CNTNAP5: variants seen among roughly 807,000 people sequenced by gnomAD.
CNTNAP5 encodes contactin-associated protein-like 5.
CNTNAP5 carries 72 observed loss-of-function variants against 150.2 expected under a neutral mutation model. That is an observed-to-expected ratio of 0.48 (90% CI 0.40 to 0.58). CNTNAP5 has a LOEUF of 0.58. Ranked by LOEUF, CNTNAP5 falls within the 20% of genes least tolerant of loss-of-function variation. CNTNAP5 has a pLI of 0.00. For synonymous variants in CNTNAP5, 672 were observed against 619.8 expected (o/e 1.08, Z -1.25); for missense variants, 1,636 against 1,626.2 (o/e 1.01, Z -0.10).
At chr2:124,510,229 T>TTATATATCTATATATCTATATC (rs1199857992) in intron 8 of CNTNAP5, among the ~76,000 whole-genome samples, 1 of 70,598 alleles carries the variant, frequency 1.4e-5, no homozygotes, top group African/African-American at 4.9e-5. Flanking sequence ...AAAAAGTAAA[T>TTATATATCTATATATCTATATC]TATATATCTA....
chr2:124,517,937 T>A (rs1358857949), intron 8 of CNTNAP5, among the ~76,000 whole-genome samples: 3 of 151,270 alleles, frequency 2.0e-5, no homozygotes, highest in Non-Finnish European at 4.4e-5. Context: ...TGATGGAGGG[T>A]GATGATGTTT....
chr2:124,843,582 T>C lies in CNTNAP5; in HGVS notation c.3218-21724T>C, dbSNP rs1305101704. 2.0e-5 allele frequency among the ~76,000 whole-genome samples: 3 copies of C among 152,134 alleles called. No individual in the cohort carries two copies. In the South Asian group the frequency reaches 6.2e-4, roughly 31 times the overall value. On this transcript the variant is annotated intron_variant, in intron 19 of 23. Transcript: ENST00000682447. ...TACTTTTAGTTCTTTAAGGAATCTC[T>C]ACATTGTTTTTCATAGCGGTTGCAC...
rs113769283 is a variant in CNTNAP5, at chr2:124,848,697, C to G, written c.3218-16609C>G. On this transcript the variant is annotated intron_variant, in intron 19 of 23. Coordinates refer to ENST00000682447, the MANE Select transcript of CNTNAP5 (RefSeq NM_001367498.1). ...GTCTTTTTGATAATAACCATCCTAACAGGTGTGAGGTGATATCTTATTGTG... is the reference window on the plus strand; with the variant it reads ...GTCTTTTTGATAATAACCATCCTAAGAGGTGTGAGGTGATATCTTATTGTG... Among the ~76,000 whole-genome samples the G allele has an allele frequency of 7.4e-3, 1,121 of 152,248 alleles. 20 individuals are homozygous for G. The highest frequency in any genetic ancestry group is 0.025 in the African/African-American group (1,035 of 41,554).
At chr2:124,546,962 C>T (rs986275807) in intron 10 of CNTNAP5, among the ~76,000 whole-genome samples, 8 of 152,086 alleles carry the variant, frequency 5.3e-5, no homozygotes, top group Non-Finnish European at 1.0e-4. Context: ...GAGTTTGACA[C>T]CTGGTAGAGA....
At chr2:124,696,027 A>G (rs2105084419) in intron 13 of CNTNAP5, among the ~76,000 whole-genome samples, 1 of 152,264 alleles carries the variant, frequency 6.6e-6, no homozygotes, top group South Asian at 2.1e-4. Context: ...GTCAACCTGG[A>G]GAAGAACCCC....
chr2:124,597,627 G>C (rs1305800278), intron 11 of CNTNAP5, among the ~76,000 whole-genome samples: 1 of 149,706 alleles, frequency 6.7e-6, no homozygotes, highest in Non-Finnish European at 1.5e-5. Flanking sequence ...GTGTCTTGGA[G>C]TTGCTCTTCT....
chr2:124,398,556 G>T (rs1248690033), intron 3 of CNTNAP5, among the ~76,000 whole-genome samples: 1 of 151,756 alleles, frequency 6.6e-6, no homozygotes, highest in East Asian at 1.9e-4. Context: ...GAGTACAATG[G>T]CCTGATCTTG....
chr2:124,565,818 C>T (rs7596035), intron 11 of CNTNAP5, among the ~76,000 whole-genome samples: 149,043 of 152,058 alleles, frequency 0.98, 73,126 homozygotes, highest in East Asian at 1. Flanking sequence ...CCAGAATGGT[C>T]TTGATCTCCT....
At chr2:124,166,140 A>G (rs949559357) in intron 1 of CNTNAP5, among the ~76,000 whole-genome samples, 2 of 152,124 alleles carry the variant, frequency 1.3e-5, no homozygotes, top group African/African-American at 2.4e-5. Flanking sequence ...AAATTCTTGA[A>G]ACAGCCAAAT....
intron 1 of CNTNAP5, among the ~76,000 whole-genome samples, chr2:124,094,004 A>G (rs1207956462): frequency 6.6e-6 from 1 of 152,230 alleles, no homozygotes; most frequent in Non-Finnish European, 1.5e-5. Flanking sequence ...TAGAGAGCTA[A>G]TGGATGGCAA....
intron 1 of CNTNAP5, among the ~76,000 whole-genome samples, chr2:124,220,700 A>C (rs1686284479): frequency 6.6e-6 from 1 of 152,130 alleles, no homozygotes; most frequent in African/African-American, 2.4e-5. Context: ...TTGCATCATC[A>C]TATGGCAGAA....
intron 19 of CNTNAP5, among the ~76,000 whole-genome samples, chr2:124,819,553 A>G (rs1381067924): frequency 6.6e-6 from 1 of 152,212 alleles, no homozygotes; most frequent in Admixed American, 6.5e-5. Context: ...AGCAACGTTC[A>G]GGCCACTGTG....
chr2:124,092,303 G>T (rs948878508), intron 1 of CNTNAP5, among the ~76,000 whole-genome samples: 1 of 152,198 alleles, frequency 6.6e-6, no homozygotes, highest in Non-Finnish European at 1.5e-5. Flanking sequence ...TAGTCCAGGG[G>T]TTGGCAAACT....
chr2:124,093,204 A>G (rs1247224953), intron 1 of CNTNAP5, among the ~76,000 whole-genome samples: 1 of 152,174 alleles, frequency 6.6e-6, no homozygotes, highest in African/African-American at 2.4e-5. Flanking sequence ...CTGTGTTGGA[A>G]TCTCATTCTG....
chr2:124,434,522 C>G lies in CNTNAP5; in HGVS notation c.568C>G (p.Leu190Val), dbSNP rs1217837083. The G allele has an allele frequency of 6.2e-7, 1 of 1,613,850 alleles. No individual in the cohort carries two copies. Among genetic ancestry groups the G allele is most frequent in the Non-Finnish European group, 8.5e-7 (1 of 1,179,842 alleles). The change falls in exon 5 of 24, where the codon CTG (leucine) becomes GTG (valine). Residue 190 changes from leucine to valine, a missense_variant. By Grantham distance (32) the Leu-to-Val change is conservative. Coordinates refer to ENST00000682447, the MANE Select transcript of CNTNAP5 (RefSeq NM_001367498.1). ...TGACTTTGATGGCCGAAGCTCACTT[C>G]TGTACAGGTTCAATCAGAAGTTGAT... is the stretch of plus-strand genomic sequence containing the variant. Reference protein sequence around the residue: ...VADFDGRSSLLYRFNQKLMST... With the variant: ...VADFDGRSSLVYRFNQKLMST...
At chr2:124,839,909 G>A (rs1401497158) in intron 19 of CNTNAP5, among the ~76,000 whole-genome samples, 1 of 152,042 alleles carries the variant, frequency 6.6e-6, no homozygotes, top group Non-Finnish European at 1.5e-5. Flanking sequence ...TTCTTTCAAG[G>A]AAAACACACT....
intron 13 of CNTNAP5, among the ~76,000 whole-genome samples, chr2:124,724,950 A>C (rs1463896660): frequency 1.6e-5 from 2 of 128,382 alleles, no homozygotes; most frequent in African/African-American, 5.8e-5. Flanking sequence ...TTTTTAAAGG[A>C]GATTCCACTA....
At chr2:124,821,596 A>G (rs1040095284) in intron 19 of CNTNAP5, among the ~76,000 whole-genome samples, 3 of 152,136 alleles carry the variant, frequency 2.0e-5, no homozygotes, top group African/African-American at 7.2e-5. Context: ...AACTGTTCCA[A>G]TTACCTATTT....
intron 1 of CNTNAP5, among the ~76,000 whole-genome samples, chr2:124,122,507 T>C (rs1191614871): frequency 6.6e-6 from 1 of 152,136 alleles, no homozygotes. Context: ...TCTCACATTC[T>C]CTCCTTCTCT....
Sources: allele counts gnomAD v4.1 joint callset (sites outside exome capture counted in the v4.1 genomes callset), GRCh38; gene constraint gnomAD v4.1.1; transcripts MANE v1.5; gene names NCBI Gene and HGNC (gene_info 2026-07-23, HGNC 2026-07-21).